SCARB1: variants seen among roughly 807,000 people sequenced by gnomAD.
The protein encoded by SCARB1 is scavenger receptor class B member 1.
A neutral mutation model predicts 57.2 loss-of-function variants in SCARB1; 30 were observed. That is an observed-to-expected ratio of 0.52 (90% CI 0.39 to 0.71). The LOEUF is 0.71. Among genes scored for constraint, SCARB1 ranks in the 30% least tolerant of loss-of-function variants. SCARB1 has a pLI of 0.00. For synonymous variants in SCARB1, 249 were observed against 268.3 expected (o/e 0.93, Z 0.70); for missense variants, 543 against 671.2 (o/e 0.81, Z 2.11).
At chr12:124,847,575 A>G (rs1366989984) in intron 1 of SCARB1, among the ~76,000 whole-genome samples, 1 of 152,180 alleles carries the variant, frequency 6.6e-6, no homozygotes, top group Non-Finnish European at 1.5e-5. Flanking sequence ...CCAGGGGATG[A>G]GTCAGGGATC....
chr12:124,800,262 G>A lies in SCARB1; in HGVS notation c.1010-20C>T, dbSNP rs751668138. 3 of 1,567,832 alleles carry A rather than the reference G, an allele frequency of 1.9e-6. No individual in the cohort carries two copies. The highest frequency in any genetic ancestry group is 2.2e-5 in the South Asian group (2 of 89,990). ...GGGCACCTAGAAGAGGGGCAGGGAG[G>A]GGACATCAGACAAGGACAGTATATT... is the stretch of plus-strand genomic sequence containing the variant. On this transcript the variant is annotated intron_variant, in intron 7 of 12. Transcript: ENST00000261693. This position sits in a 1 kb window ranked among gnomAD's most constrained non-coding sequence, Gnocchi z 4.8.
chr12:124,820,300 C>G (rs76774552), intron 1 of SCARB1, among the ~76,000 whole-genome samples: 2,017 of 152,268 alleles, frequency 0.013, 35 homozygotes, highest in Admixed American at 0.042. Context: ...ATTATTACCC[C>G]CATGTTACAG....
chr12:124,809,884 G>C (rs966548160), intron 6 of SCARB1, among the ~76,000 whole-genome samples: 2 of 152,102 alleles, frequency 1.3e-5, no homozygotes, highest in Non-Finnish European at 2.9e-5. Context: ...CCCACCTCTC[G>C]CCTCCATTTT....
rs1269075424 is a variant in SCARB1 at position 124,810,754 on chromosome 12, C to T, written c.727-465G>A. ...GTTAACTGACTCTGGGGAGCGAGAC[C>T]CAGACTCGACAAAACCAACTGCTCA... On this transcript the variant is annotated intron_variant, in intron 5 of 12. Coordinates refer to ENST00000261693, the MANE Select transcript of SCARB1 (RefSeq NM_005505.5). The surrounding 1 kb of genome is among the most constrained non-coding windows in gnomAD (Gnocchi z 4.0). Among the ~76,000 whole-genome samples the T allele has an allele frequency of 6.6e-6, 1 of 152,160 alleles. No individual in the cohort carries two copies. Among genetic ancestry groups the T allele is most frequent in the Non-Finnish European group, 1.5e-5 (1 of 68,022 alleles).
Position 124,776,877 on chromosome 12 carries a change from A to C in SCARB1, c.*1710T>G, listed in dbSNP as rs903093593. 4.6e-5 allele frequency: 7 copies of C among 152,204 alleles called. No homozygotes were observed. Among genetic ancestry groups the C allele is most frequent in the African/African-American group, 1.7e-4 (7 of 41,454 alleles). 9.4% of individuals were successfully genotyped at this position (152,204 alleles called of 1,614,324 possible). ...AAAGTTTGCTTCAACTTATATATTT[A>C]TGTTGCAGGCAAGTATAGGAGTGAT... On this transcript the variant is annotated 3_prime_UTR_variant, in exon 13 of 13. Coordinates refer to ENST00000261693, the MANE Select transcript of SCARB1 (RefSeq NM_005505.5).
chr12:124,805,685 C>T (rs778342922), intron 7 of SCARB1, among the ~76,000 whole-genome samples: 4 of 150,610 alleles, frequency 2.7e-5, no homozygotes, highest in East Asian at 1.9e-4. Flanking sequence ...CAGCTTTCCA[C>T]GTAGCTAGGA....
At chr12:124,847,917 A>AAAAATC (rs1255899654) in intron 1 of SCARB1, among the ~76,000 whole-genome samples, 1 of 152,188 alleles carries the variant, frequency 6.6e-6, no homozygotes, top group Non-Finnish European at 1.5e-5. Flanking sequence ...AAGCAATCAG[A>AAAAATC]CAAATCCAAA....
intron 1 of SCARB1, among the ~76,000 whole-genome samples, chr12:124,855,466 T>G (rs980902420): frequency 2.0e-5 from 3 of 152,098 alleles, no homozygotes; most frequent in Admixed American, 2.0e-4. Flanking sequence ...AACGCAGCTT[T>G]TTGTGTTGTT....
chr12:124,863,480 C>T (rs1594425647), intron 1 of SCARB1, 115 bp downstream of exon 1: 1 of 1,151,300 alleles, frequency 8.7e-7, no homozygotes, highest in Non-Finnish European at 1.2e-6. Flanking sequence ...GGCGCCAGGC[C>T]CGGGCGCCGA....
chr12:124,853,390 G>GTGTTT (rs1566260073), intron 1 of SCARB1, among the ~76,000 whole-genome samples: 1 of 122,536 alleles, frequency 8.2e-6, no homozygotes, highest in African/African-American at 3.0e-5. Flanking sequence ...GCATAGTTTT[G>GTGTTT]TTTTTTTTTT....
At chr12:124,846,046 G>T (rs1594376519) in intron 1 of SCARB1, among the ~76,000 whole-genome samples, 1 of 151,998 alleles carries the variant, frequency 6.6e-6, no homozygotes, top group Non-Finnish European at 1.5e-5. Context: ...AGAAATGTCC[G>T]TAACAGGTGC....
At chr12:124,782,063 A>G (rs191816196) in intron 12 of SCARB1, among the ~76,000 whole-genome samples, 137 of 152,064 alleles carry the variant, frequency 9.0e-4, no homozygotes, top group Non-Finnish European at 1.5e-3. Context: ...GTGCCACCAC[A>G]CCCAGCTAAT....
intron 1 of SCARB1, among the ~76,000 whole-genome samples, chr12:124,826,437 T>G (rs911709727): frequency 1.2e-4 from 18 of 152,076 alleles, no homozygotes; most frequent in African/African-American, 3.4e-4. Context: ...AAAACAGCAT[T>G]TGGATGCCTT....
intron 9 of SCARB1, among the ~76,000 whole-genome samples, chr12:124,794,791 G>A (rs574806754): frequency 7.2e-5 from 11 of 152,246 alleles, no homozygotes; most frequent in Middle Eastern, 3.4e-3. Context: ...TTAGCCGGGC[G>A]TGGTGGCACA....
intron 1 of SCARB1, among the ~76,000 whole-genome samples, chr12:124,848,713 C>T (rs1952262600): frequency 6.6e-6 from 1 of 152,200 alleles, no homozygotes; most frequent in Non-Finnish European, 1.5e-5. Context: ...CTCGTGAGAA[C>T]GGCAGAACGA....
At chr12:124,778,646 T>TCCCCC in intron 12 of SCARB1, 60 bp from the exon 13 acceptor site, 1 of 1,337,896 alleles carries the variant, frequency 7.5e-7, no homozygotes, top group Non-Finnish European at 9.6e-7. Context: ...CCCACCCTCA[T>TCCCCC]CCCCGCCCAC....
chr12:124,843,237 G>A (rs1951980335), intron 1 of SCARB1, among the ~76,000 whole-genome samples: 1 of 147,622 alleles, frequency 6.8e-6, no homozygotes, highest in Non-Finnish European at 1.5e-5. Flanking sequence ...ATCCGCAGCT[G>A]CTCTCCTTGG....
Position 124,778,594 on chromosome 12 carries a change from G to C in SCARB1, c.*1-8C>G, listed in dbSNP as rs1183182321. 47 of 1,412,810 alleles carry C rather than the reference G, an allele frequency of 3.3e-5. No homozygotes were observed. The highest frequency in any genetic ancestry group is 4.3e-5 in the Non-Finnish European group (47 of 1,086,720). 87.5% of individuals were successfully genotyped at this position (1,412,810 alleles called of 1,614,324 possible). ...CACGGTGTCCTCAGGACCCTGTGGA[G>C]AAAGGCAAAGCTGGGTGACCACCCA... On this transcript the variant is annotated splice_region_variant and splice_polypyrimidine_tract_variant and intron_variant, in intron 12 of 12. Transcript: ENST00000261693.
At position 124,863,757 on chromosome 12, in the gene SCARB1, C is replaced by A. The variant is rs1424470225; in HGVS notation, c.-37G>T. The A allele has an allele frequency of 1.4e-6, 2 of 1,413,728 alleles. No homozygotes were observed. The highest frequency in any genetic ancestry group is 2.9e-5 in the East Asian group (1 of 33,906). The allele number at this position is 1,413,728 out of a possible 1,614,324, so 87.6% of individuals were successfully genotyped here. ...TGGGGCCCACCCGCGGCTCGCAGGG[C>A]TCCGCGCCTGGCAGGAGACGGGGAC... On this transcript the variant is annotated 5_prime_UTR_variant, in exon 1 of 13. Coordinates refer to ENST00000261693, the MANE Select transcript of SCARB1 (RefSeq NM_005505.5).
Sources: allele counts gnomAD v4.1 joint callset (sites outside exome capture counted in the v4.1 genomes callset), GRCh38; gene constraint gnomAD v4.1.1; non-coding constraint Gnocchi (gnomAD v3.1); transcripts MANE v1.5; gene names NCBI Gene and HGNC (gene_info 2026-07-23, HGNC 2026-07-21).